The following DHX36 variants were observed in gnomAD, a reference collection of about 807,000 sequenced individuals.
DHX36 encodes the protein DEAH-box helicase 36, also known as ATP-dependent DNA/RNA helicase DHX36.
In DHX36, 50 loss-of-function variants were observed where a neutral mutation model predicts 139.0. The observed-to-expected ratio is 0.36, with a 90% CI of 0.29 to 0.46. The LOEUF (loss-of-function observed/expected upper bound fraction) is 0.46, where lower values mean the gene tolerates loss of function less well. DHX36 is among the 20% of genes least tolerant of loss of function. DHX36 has a pLI of 1.00. For synonymous variants in DHX36, 425 were observed against 401.9 expected (o/e 1.06, Z -0.69); for missense variants, 1,024 against 1,211.3 (o/e 0.85, Z 2.29).
At chr3:154,292,526 G>A (rs1711862834) in intron 15 of DHX36, 25 bp downstream of exon 15, 1 of 1,613,618 alleles carries the variant, frequency 6.2e-7, no homozygotes, top group Non-Finnish European at 8.5e-7. Context: ...TGTTCTAAAA[G>A]CTTTGGACAG....
At chr3:154,283,965 G>A (rs978348772) in intron 19 of DHX36, among the ~76,000 whole-genome samples, 14 of 152,030 alleles carry the variant, frequency 9.2e-5, no homozygotes, top group Non-Finnish European at 1.5e-4. Flanking sequence ...TGTCATTAGC[G>A]TTAATAAGCC....
At chr3:154,292,411 T>C (rs1711858181) in intron 15 of DHX36, 140 bp downstream of exon 15, 1 of 1,176,932 alleles carries the variant, frequency 8.5e-7, no homozygotes, top group African/African-American at 1.6e-5. Context: ...ACAACTTTCC[T>C]ATTTAAAAAT....
chr3:154,321,729 C>A (rs924892816), intron 1 of DHX36, among the ~76,000 whole-genome samples: 3 of 152,176 alleles, frequency 2.0e-5, no homozygotes, highest in Non-Finnish European at 4.4e-5. Context: ...GAGGCCAGGG[C>A]TGGTGGATCA....
intron 9 of DHX36, among the ~76,000 whole-genome samples, chr3:154,302,968 T>C (rs971853872): frequency 6.6e-6 from 1 of 152,114 alleles, no homozygotes; most frequent in Non-Finnish European, 1.5e-5. Flanking sequence ...TCCTAGTTAC[T>C]TGGGAGGCTG....
chr3:154,302,497 T>C (rs1211709927), intron 9 of DHX36, among the ~76,000 whole-genome samples: 1 of 152,198 alleles, frequency 6.6e-6, no homozygotes, highest in Non-Finnish European at 1.5e-5. Flanking sequence ...AAGGCATCTG[T>C]GGTACTAGAA....
chr3:154,311,842 T>C (rs753992144), intron 3 of DHX36, 168 bp from the exon 4 acceptor site: 3 of 495,676 alleles, frequency 6.1e-6, no homozygotes, highest in Non-Finnish European at 1.0e-5. Flanking sequence ...ATTCCTTTTA[T>C]GTCTGAAACA....
At chr3:154,311,861 C>A (rs1393906193) in intron 3 of DHX36, 187 bp from the exon 4 acceptor site, 1 of 472,314 alleles carries the variant, frequency 2.1e-6, no homozygotes, top group Non-Finnish European at 3.7e-6. Context: ...CATTCAAAAC[C>A]AGAACTCCAT....
intron 12 of DHX36, among the ~76,000 whole-genome samples, chr3:154,296,633 A>G (rs1402642265): frequency 6.6e-6 from 1 of 152,234 alleles, no homozygotes; most frequent in Non-Finnish European, 1.5e-5. Context: ...CTGGTGTAAT[A>G]CAGTGATGGG....
rs183845841 is a variant in DHX36 at position 154,305,669 on chromosome 3, A to T, written c.894-501T>A. ...GTAGGCCCAGCTACTTGAGAGGCTGAGGTGGGAGGACTGCTTGAGCACAGG... is the reference window on the plus strand; with the variant it reads ...GTAGGCCCAGCTACTTGAGAGGCTGTGGTGGGAGGACTGCTTGAGCACAGG... On this transcript the variant is annotated intron_variant, in intron 6 of 24. Coordinates refer to ENST00000496811, the MANE Select transcript of DHX36 (RefSeq NM_020865.3). Among the ~76,000 whole-genome samples the T allele has an allele frequency of 2.1e-4, 32 of 152,328 alleles. 1 individual carries two copies. The highest frequency in any genetic ancestry group is 2.0e-3 in the Admixed American group (31 of 15,292).
intron 1 of DHX36, among the ~76,000 whole-genome samples, chr3:154,320,234 G>T (rs1713137540): frequency 6.6e-6 from 1 of 151,932 alleles, no homozygotes; most frequent in Non-Finnish European, 1.5e-5. Context: ...AGATTATTTT[G>T]TAACCTTCTT....
chr3:154,301,164 T>C (rs1278177650), intron 9 of DHX36, 37 bp from the exon 10 acceptor site: 1 of 1,547,426 alleles, frequency 6.5e-7, no homozygotes, highest in Non-Finnish European at 8.7e-7. Flanking sequence ...TTCACTTTTT[T>C]GAAACTCTAG....
chr3:154,303,841 C>G (rs1277473611), intron 8 of DHX36, among the ~76,000 whole-genome samples: 1 of 152,116 alleles, frequency 6.6e-6, no homozygotes, highest in Non-Finnish European at 1.5e-5. Context: ...CAAAACAAAA[C>G]CTAAACAAAT....
chr3:154,317,701 AT>A (rs981184454), intron 1 of DHX36, among the ~76,000 whole-genome samples: 2 of 152,074 alleles, frequency 1.3e-5, no homozygotes, highest in African/African-American at 4.8e-5. Context: ...TCTTCAAGGT[AT>A]TTTTGGTTTT....
chr3:154,284,503 T>C, intron 19 of DHX36, 80 bp downstream of exon 19: 1 of 1,283,468 alleles, frequency 7.8e-7, no homozygotes, highest in Non-Finnish European at 1.1e-6. Context: ...TTTCAAAAGG[T>C]TAAATATGAT....
At chr3:154,289,279 T>C (rs1434110634) in intron 16 of DHX36, among the ~76,000 whole-genome samples, 1 of 152,206 alleles carries the variant, frequency 6.6e-6, no homozygotes, top group South Asian at 2.1e-4. Flanking sequence ...TTACTCACTA[T>C]CTTCAAAACA....
At chr3:154,280,964 T>C (rs899978752) in intron 20 of DHX36, 102 bp from the exon 21 acceptor site, 1 of 834,688 alleles carries the variant, frequency 1.2e-6, no homozygotes, top group Non-Finnish European at 1.9e-6. Flanking sequence ...ATCCCTGCTT[T>C]ATGAAAACAC....
chr3:154,324,241 C>T lies in DHX36; in HGVS notation c.176G>A (p.Gly59Asp), dbSNP rs1200601058. 2 of 1,613,484 alleles carry T rather than the reference C, an allele frequency of 1.2e-6. No individual in the cohort carries two copies. The highest frequency in any genetic ancestry group is 1.7e-6 in the Non-Finnish European group (2 of 1,179,732). Residue 59 changes from glycine (G) to aspartate (D), a missense_variant, in exon 1 of 25, where the codon GGC (glycine) becomes GAC (aspartate). Around this residue, in one of 4 missense-constraint regions of DHX36, gnomAD observed 293 missense variants for 274.4 expected, o/e 1.07. Coordinates refer to ENST00000496811, the MANE Select transcript of DHX36 (RefSeq NM_020865.3). ...GRGRHPGHLK[G>D]REIGMWYAKK... ...CGCGTACCACATGCCGATTTCGCGG[C>T]CTTTCAGGTGCCCGGGATGCCGGCC...
intron 12 of DHX36, among the ~76,000 whole-genome samples, chr3:154,295,818 G>C (rs192349810): frequency 6.6e-6 from 1 of 152,164 alleles, no homozygotes; most frequent in Admixed American, 6.5e-5. Flanking sequence ...TCTGTTGCCC[G>C]TTGCTGTGGT....
intron 3 of DHX36, 100 bp from the exon 4 acceptor site, chr3:154,311,774 G>C: frequency 1.2e-6 from 1 of 844,688 alleles, no homozygotes; most frequent in Non-Finnish European, 1.8e-6. Flanking sequence ...GCTAGAATCC[G>C]AAAGTATTTT....
Sources: gnomAD v4.1 joint callset for allele counts (sites outside exome capture counted in the v4.1 genomes callset) on GRCh38, gnomAD v4.1.1 for gene constraint, gnomAD v4.1.1 regional missense constraint, MANE v1.5 for transcripts, NCBI Gene and HGNC (gene_info 2026-07-23, HGNC 2026-07-21) for gene names.